The following SLC2A13 variants were observed in gnomAD, a reference collection of about 807,000 sequenced individuals.
SLC2A13 encodes solute carrier family 2 member 13, also known as proton myo-inositol cotransporter.
In SLC2A13, 32 loss-of-function variants were observed where a neutral mutation model predicts 64.4. The ratio of observed to expected loss-of-function variants is 0.50; its 90% confidence interval spans 0.37 to 0.67. The LOEUF is 0.67. SLC2A13 is among the 30% of genes least tolerant of loss of function. The pLI is 0.00. For missense variants in SLC2A13, 743 were observed against 829.2 expected (o/e 0.90, Z 1.28); for synonymous variants, 338 against 327.1 (o/e 1.03, Z -0.36).
chr12:39,806,542 A>T (rs1295302740), intron 7 of SLC2A13, among the ~76,000 whole-genome samples: 3 of 152,174 alleles, frequency 2.0e-5, no homozygotes, highest in Non-Finnish European at 4.4e-5. Context: ...GTCCACAAAA[A>T]GTCATGTTCT....
rs757841997 is a variant in SLC2A13, at chr12:39,760,239, G to A, written c.1734C>T (p.Leu578=). 6 of 1,611,872 alleles carry A rather than the reference G, an allele frequency of 3.7e-6. No homozygotes were observed. The South Asian group carries it at 4.4e-5, about 12-fold the overall frequency. Residue 578 remains leucine (L), a synonymous_variant, in exon 10 of 10, where the codon CTC becomes CTT. Transcript: ENST00000280871. Reference sequence around the variant, plus strand: ...GTCCCACAGCAGCAAATCCAGCATAGAGGAAGAAAGCTCCTGCAACGGAAT... The same window carrying A: ...GTCCCACAGCAGCAAATCCAGCATAAAGGAAGAAAGCTCCTGCAACGGAAT... ...EYLTYYGAFF[L]YAGFAAVGLL...
chr12:39,760,206 G>A lies in SLC2A13; in HGVS notation c.1767C>T (p.Phe589=). 1 of 1,612,752 alleles carries A rather than the reference G, an allele frequency of 6.2e-7. No individual in the cohort carries two copies. ...TGGTCTCAGGAAGACAGCCATAGAT[G>A]AAAAGGAGTCCCACAGCAGCAAATC... ...YAGFAAVGLL[F]IYGCLPETKG... Residue 589 remains phenylalanine, a synonymous_variant, in exon 10 of 10, where the codon TTC becomes TTT. Coordinates refer to ENST00000280871, the MANE Select transcript of SLC2A13 (RefSeq NM_052885.4).
chr12:39,805,136 GCAGGC>G (rs1312749482), intron 7 of SLC2A13, among the ~76,000 whole-genome samples: 1 of 148,918 alleles, frequency 6.7e-6, no homozygotes, highest in Non-Finnish European at 1.5e-5. Flanking sequence ...GACAGCAAGG[GCAGGC>G]CAGGCCAGGC....
intron 3 of SLC2A13, among the ~76,000 whole-genome samples, chr12:40,006,487 T>C (rs1438980451): frequency 6.6e-6 from 1 of 152,232 alleles, no homozygotes; most frequent in Non-Finnish European, 1.5e-5. Flanking sequence ...AACTGGCACA[T>C]AGTTTATGTT....
chr12:39,915,041 T>C (rs1372411344), intron 4 of SLC2A13, among the ~76,000 whole-genome samples: 1 of 151,816 alleles, frequency 6.6e-6, no homozygotes, highest in Non-Finnish European at 1.5e-5. Flanking sequence ...ATAAGACACA[T>C]TTTCAATTTA....
chr12:39,894,862 G>T (rs1234686968), intron 4 of SLC2A13, among the ~76,000 whole-genome samples: 2 of 151,890 alleles, frequency 1.3e-5, no homozygotes, highest in African/African-American at 4.8e-5. Flanking sequence ...AAAAAAGGGA[G>T]AAAAGAAAAA....
At position 39,788,496 on chromosome 12, in the gene SLC2A13, A is replaced by C. The variant is rs551274366; in HGVS notation, c.1446-23638T>G. 2.6e-5 allele frequency: 4 copies of C among 152,322 alleles called. No individual in the cohort carries two copies. The East Asian group carries it at 7.7e-4, about 29-fold the overall frequency. The allele number at this position is 152,322 out of a possible 1,614,324, so 9.4% of individuals were successfully genotyped here. A position where few individuals can be genotyped will look rare whatever the true frequency, so the allele number is the denominator to read the frequency against. On this transcript the variant is annotated intron_variant, in intron 7 of 9. Transcript: ENST00000280871. ...CAGGTGGGACTGAGAAGATGATTTC[A>C]TCACACTACTCAATGGTACACAATT... is the stretch of plus-strand genomic sequence containing the variant.
chr12:39,927,429 T>C (rs1945748864), intron 4 of SLC2A13, among the ~76,000 whole-genome samples: 1 of 152,128 alleles, frequency 6.6e-6, no homozygotes, highest in Admixed American at 6.6e-5. Flanking sequence ...TGAGTTTTTT[T>C]CCCCCAAATG....
intron 7 of SLC2A13, among the ~76,000 whole-genome samples, chr12:39,790,763 T>C (rs112094158): frequency 1.9e-5 from 1 of 51,708 alleles, no homozygotes; most frequent in Non-Finnish European, 3.9e-5. Context: ...TCAAATGGTA[T>C]TTCTAGTTCT....
At chr12:39,961,505 A>AT (rs796594498) in intron 3 of SLC2A13, among the ~76,000 whole-genome samples, 6 of 151,980 alleles carry the variant, frequency 3.9e-5, no homozygotes, top group East Asian at 1.9e-4. Flanking sequence ...ATAAGCAATA[A>AT]TTTTTTTGTT....
intron 7 of SLC2A13, among the ~76,000 whole-genome samples, chr12:39,812,798 G>T (rs370569956): frequency 6.7e-6 from 1 of 149,826 alleles, no homozygotes; most frequent in Non-Finnish European, 1.5e-5. Flanking sequence ...TATGACTTTA[G>T]GGGGTGGGGG....
chr12:39,761,974 T>A (rs1940168588), intron 9 of SLC2A13, among the ~76,000 whole-genome samples: 1 of 152,092 alleles, frequency 6.6e-6, no homozygotes, highest in Non-Finnish European at 1.5e-5. Context: ...AAACATTTGT[T>A]GGGTTAGGAA....
intron 7 of SLC2A13, among the ~76,000 whole-genome samples, chr12:39,776,698 T>C (rs1940791583): frequency 6.6e-6 from 1 of 151,362 alleles, no homozygotes; most frequent in African/African-American, 2.4e-5. Flanking sequence ...TATTCTAGAT[T>C]TCCATGAGGT....
chr12:39,932,764 C>T (rs1455407189), intron 4 of SLC2A13, among the ~76,000 whole-genome samples: 2 of 151,192 alleles, frequency 1.3e-5, no homozygotes, highest in Non-Finnish European at 2.9e-5. Context: ...ATCTTTCTAG[C>T]AGAAGGGAAA....
At chr12:39,982,502 CA>C (rs1946926815) in intron 3 of SLC2A13, among the ~76,000 whole-genome samples, 11 of 151,556 alleles carry the variant, frequency 7.3e-5, no homozygotes, top group African/African-American at 2.7e-4. Context: ...AATCAAAGTA[CA>C]AAAATCACAA....
At chr12:39,777,643 C>A (rs1940823431) in intron 7 of SLC2A13, among the ~76,000 whole-genome samples, 1 of 152,156 alleles carries the variant, frequency 6.6e-6, no homozygotes, top group Non-Finnish European at 1.5e-5. Context: ...AGCAGGGAGA[C>A]ACACAGGTGG....
At chr12:39,873,553 G>A (rs1462736376) in intron 4 of SLC2A13, among the ~76,000 whole-genome samples, 3 of 152,196 alleles carry the variant, frequency 2.0e-5, no homozygotes, top group Non-Finnish European at 4.4e-5. Context: ...TTTGACATGT[G>A]TCATGCTACT....
At chr12:40,074,377 G>C (rs1402362704) in intron 1 of SLC2A13, among the ~76,000 whole-genome samples, 1 of 151,872 alleles carries the variant, frequency 6.6e-6, no homozygotes, top group Admixed American at 6.6e-5. Context: ...ATGTTGCCCA[G>C]GATGGTCTCA....
At chr12:39,766,393 A>C (rs1940350279) in intron 7 of SLC2A13, among the ~76,000 whole-genome samples, 1 of 152,086 alleles carries the variant, frequency 6.6e-6, no homozygotes. Context: ...ACAAACCTTA[A>C]TTTTAAAATA....
Sources: gnomAD v4.1 joint callset for allele counts (sites outside exome capture counted in the v4.1 genomes callset) on GRCh38, gnomAD v4.1.1 for gene constraint, MANE v1.5 for transcripts, NCBI Gene and HGNC (gene_info 2026-07-23, HGNC 2026-07-21) for gene names.